Variants in MED14 observed in about 807,000 individuals in gnomAD.
The protein encoded by MED14 is mediator of RNA polymerase II transcription subunit 14.
Under a neutral mutation model 109.0 loss-of-function variants are expected in MED14, and 8 were observed. The ratio of observed to expected loss-of-function variants is 0.07; its 90% CI spans 0.04 to 0.13. MED14 has a LOEUF of 0.13. Ranked by LOEUF, MED14 falls within the 10% of genes least tolerant of loss-of-function variation. The pLI is 1.00. For missense variants in MED14, 711 were observed against 1,142.4 expected (o/e 0.62, Z 5.44); for synonymous variants, 399 against 408.7 (o/e 0.98, Z 0.29).
At chrX:40,662,052 G>A (rs1164382893) in intron 26 of MED14, among the ~76,000 whole-genome samples, 6 of 108,845 alleles carry the variant, frequency 5.5e-5, no homozygotes, top group Non-Finnish European at 1.1e-4. Context: ...TTTAGTAGAC[G>A]ACGGGGTTTC....
In MED14 at chrX:40,673,640, A is replaced by G. The variant is rs187929037; in HGVS notation, c.3021+1581T>C. Among the ~76,000 whole-genome samples, 448 of 110,475 alleles carry G rather than the reference A, an allele frequency of 4.1e-3. 5 individuals carry two copies. The highest frequency in any genetic ancestry group is 0.014 in the African/African-American group (430 of 30,309). On this transcript the variant is annotated intron_variant, in intron 22 of 30. Transcript: ENST00000324817. ...GGCGGGCAGATTACCTGAGGTCGGG[A>G]GTTCGAGATCAGCCTGACCAACATG...
intron 28 of MED14, 99 bp from the exon 29 acceptor site, chrX:40,655,159 AATT>A: frequency 1.2e-6 from 1 of 823,049 alleles, no homozygotes; most frequent in African/African-American, 2.0e-5. Flanking sequence ...TTTCATACCC[AATT>A]ATTAACAGAA....
At chrX:40,731,149 AAAAT>A (rs1260255234) in intron 1 of MED14, among the ~76,000 whole-genome samples, 7 of 108,907 alleles carry the variant, frequency 6.4e-5, no homozygotes, top group Non-Finnish European at 1.3e-4. Flanking sequence ...TCAAAAAAAA[AAAAT>A]AAAGAGTAGA....
At position 40,651,496 on chromosome X, in the gene MED14, A is replaced by T; in HGVS notation, c.*310T>A. On this transcript the variant is annotated 3_prime_UTR_variant, in exon 31 of 31. Coordinates refer to ENST00000324817, the MANE Select transcript of MED14 (RefSeq NM_004229.4). The stretch of plus-strand genomic sequence containing the variant: ...ACACCCAAAACATAAGAAAACAATT[A>T]AATAAACAAGTTTGGCATTTTCATA... 1 of 809,015 alleles carries T rather than the reference A, an allele frequency of 1.2e-6. No homozygotes were observed. The highest frequency in any genetic ancestry group is 1.5e-6 in the Non-Finnish European group (1 of 671,265). The allele number at this position is 809,015 out of a possible 1,213,427, so 66.7% of individuals were successfully genotyped here.
chrX:40,656,128 C>A (rs1929045955), intron 28 of MED14, among the ~76,000 whole-genome samples: 1 of 108,849 alleles, frequency 9.2e-6, no homozygotes, highest in African/African-American at 3.3e-5. Context: ...AAAAGGAATC[C>A]AAATGGTATT....
chrX:40,706,282 C>T (rs1232980674), intron 10 of MED14, among the ~76,000 whole-genome samples: 3 of 111,684 alleles, frequency 2.7e-5, no homozygotes, highest in Non-Finnish European at 5.6e-5. Context: ...AAAGCACATG[C>T]CCTAAGATGG....
intron 16 of MED14, among the ~76,000 whole-genome samples, chrX:40,687,254 T>C (rs1310663790): frequency 2.7e-5 from 3 of 111,598 alleles, no homozygotes; most frequent in Non-Finnish European, 5.6e-5. Context: ...CACTTTCCCC[T>C]CTTTCTCACC....
intron 18 of MED14, 138 bp from the exon 19 acceptor site, chrX:40,682,081 G>T: frequency 5.7e-6 from 2 of 351,603 alleles, no homozygotes; most frequent in Non-Finnish European, 5.0e-6. Flanking sequence ...TTTAAAAAAA[G>T]CAACAGCACA....
intron 2 of MED14, among the ~76,000 whole-genome samples, chrX:40,727,429 A>G (rs1380539919): frequency 8.9e-6 from 1 of 111,819 alleles, no homozygotes; most frequent in East Asian, 2.8e-4. Context: ...ACTTGGATAC[A>G]TTAAAAAATA....
intron 1 of MED14, among the ~76,000 whole-genome samples, chrX:40,731,174 C>CT (rs1932069895): frequency 9.3e-6 from 1 of 108,058 alleles, no homozygotes. Context: ...ACCTAGGTCT[C>CT]TAAAAAGTCA....
rs747000211 is a variant in MED14 at position 40,733,568 on chromosome X, G to GTAA, written c.215+1629_215+1630insTTA. The stretch of plus-strand genomic sequence containing the variant: ...CTGACTATTGCAGTACACAGGTGAA[G>GTAA]GATTAGGTGGCTTGGACCAGCACTT... On this transcript the variant is annotated intron_variant, in intron 1 of 30. Coordinates refer to ENST00000324817, the MANE Select transcript of MED14 (RefSeq NM_004229.4). Among the ~76,000 whole-genome samples, 6 of 112,065 alleles carry GTAA rather than the reference G, an allele frequency of 5.4e-5. No individual in the cohort carries two copies. In the Admixed American group the frequency reaches 5.7e-4, roughly 11 times the overall value.
In MED14 at chrX:40,649,522, A is replaced by T; in HGVS notation, c.*2284T>A. 2 of 673,683 alleles carry T rather than the reference A, an allele frequency of 3.0e-6. No individual in the cohort carries two copies. The highest frequency in any genetic ancestry group is 3.9e-6 in the Non-Finnish European group (2 of 519,067). The allele number at this position is 673,683 out of a possible 1,213,427, so 55.5% of individuals were successfully genotyped here. ...CTATTAATGAAAACATCTTCATCAA[A>T]ATTAACTAGAGAGTTGGTAGTTCTC... On this transcript the variant is annotated 3_prime_UTR_variant, in exon 31 of 31. Coordinates refer to ENST00000324817, the MANE Select transcript of MED14 (RefSeq NM_004229.4).
chrX:40,677,920 GAAGTAGTACCTTCAAA>G (rs1353184400), intron 21 of MED14, among the ~76,000 whole-genome samples: 1 of 111,985 alleles, frequency 8.9e-6, no homozygotes, highest in Non-Finnish European at 1.9e-5. Context: ...AGGAGACAAT[GAAGTAGTACCTTCAAA>G]ATTTTTACAG....
Position 40,692,797 on chromosome X carries a change from A to G in MED14, c.1756T>C (p.Leu586=). ...TTTTCCTTGAACTGCTGCAGCAGCA[A>G]TGCCATTGCAGGGCTGTCTTCACGA... is the stretch of plus-strand genomic sequence containing the variant. The part of the protein sequence containing the change: ...ADREDSPAMA[L]LLQQFKENIQ... The change falls in exon 14 of 31, where the codon TTG becomes CTG. Residue 586 remains leucine (L), a synonymous_variant. Coordinates refer to ENST00000324817, the MANE Select transcript of MED14 (RefSeq NM_004229.4). 8.3e-7 allele frequency: 1 copy of G among 1,209,891 alleles called. No homozygotes were observed. Among genetic ancestry groups the G allele is most frequent in the Non-Finnish European group, 1.1e-6 (1 of 894,791 alleles).
In MED14 at chrX:40,659,210, A is replaced by G. The variant is rs763863026; in HGVS notation, c.3972+17T>C. On this transcript the variant is annotated intron_variant, in intron 28 of 30. Transcript: ENST00000324817. ...CTCAAACAAACCTTGCTAGAAATGT[A>G]TATCTCTGTGACTTACCAGCTCCAG... 43 of 1,100,947 alleles carry G rather than the reference A, an allele frequency of 3.9e-5. No individual in the cohort carries two copies. Among genetic ancestry groups the G allele is most frequent in the Middle Eastern group, 5.9e-4 (2 of 3,389 alleles). The allele number at this position is 1,100,947 out of a possible 1,213,427, so 90.7% of individuals were successfully genotyped here. A position where few individuals can be genotyped will look rare whatever the true frequency, so the allele number is the denominator to read the frequency against.
chrX:40,649,801 A>G lies in MED14; in HGVS notation c.*2005T>C. The G allele has an allele frequency of 3.7e-6, 3 of 809,825 alleles. No homozygotes were observed. Among genetic ancestry groups the G allele is most frequent in the Non-Finnish European group, 4.5e-6 (3 of 667,463 alleles). The allele number at this position is 809,825 out of a possible 1,213,427, so 66.7% of individuals were successfully genotyped here. A position where few individuals can be genotyped will look rare whatever the true frequency, so the allele number is the denominator to read the frequency against. On this transcript the variant is annotated 3_prime_UTR_variant, in exon 31 of 31. Coordinates refer to ENST00000324817, the MANE Select transcript of MED14 (RefSeq NM_004229.4). Reference sequence around the variant, plus strand: ...AAGCATAATATAAAAATTCAAATTCATGGGTTTACTCTTAATAAGCATCAA... The same window carrying G: ...AAGCATAATATAAAAATTCAAATTCGTGGGTTTACTCTTAATAAGCATCAA...
chrX:40,726,464 A>C (rs1054763372), intron 3 of MED14: 8 of 178,652 alleles, frequency 4.5e-5, no homozygotes, highest in Non-Finnish European at 7.2e-5. Flanking sequence ...AATTCTAAGG[A>C]ATAGCACGAA....
chrX:40,690,704 C>T (rs1352022628), intron 15 of MED14, among the ~76,000 whole-genome samples: 2 of 111,363 alleles, frequency 1.8e-5, no homozygotes, highest in Admixed American at 9.5e-5. Context: ...CATGAGTCAC[C>T]GTGCCCGGCC....
chrX:40,716,434 A>G (rs974549478), intron 3 of MED14, among the ~76,000 whole-genome samples: 1 of 110,235 alleles, frequency 9.1e-6, no homozygotes, highest in African/African-American at 3.3e-5. Flanking sequence ...CTCTACAAAA[A>G]ATTAAAAAAC....
Sources: allele counts gnomAD v4.1 joint callset (sites outside exome capture counted in the v4.1 genomes callset), GRCh38; gene constraint gnomAD v4.1.1; transcripts MANE v1.5; gene names NCBI Gene and HGNC (gene_info 2026-07-23, HGNC 2026-07-21).